The following FOXN3 variants were observed in gnomAD, a reference collection of about 807,000 sequenced individuals.
FOXN3 encodes the protein forkhead box N3, also known as forkhead box protein N3.
FOXN3 carries 7 observed loss-of-function variants against 38.4 expected under a neutral mutation model. That is an observed-to-expected ratio of 0.18 (90% CI 0.10 to 0.34). The LOEUF (loss-of-function observed/expected upper bound fraction) is 0.34, where lower values mean the gene tolerates loss of function less well. Ranked by LOEUF, FOXN3 falls within the 10% of genes least tolerant of loss-of-function variation. The pLI is 1.00. For synonymous variants in FOXN3, 230 were observed against 242.2 expected (o/e 0.95, Z 0.47); for missense variants, 456 against 613.4 (o/e 0.74, Z 2.71).
intron 1 of FOXN3, among the ~76,000 whole-genome samples, chr14:89,475,658 G>GA (rs985726114): frequency 1.8e-4 from 28 of 151,746 alleles, no homozygotes; most frequent in African/African-American, 6.5e-4. Flanking sequence ...CTATCTCAAA[G>GA]AAAAAAAATA....
chr14:89,592,663 G>C (rs768967384), intron 1 of FOXN3, among the ~76,000 whole-genome samples: 10 of 152,192 alleles, frequency 6.6e-5, no homozygotes, highest in South Asian at 2.1e-4. Flanking sequence ...AGAGGGGATA[G>C]ATTAGAGATA....
chr14:89,566,153 A>T (rs1275007804), intron 1 of FOXN3, among the ~76,000 whole-genome samples: 1 of 152,132 alleles, frequency 6.6e-6, no homozygotes, highest in Non-Finnish European at 1.5e-5. Context: ...ACCAACAAGA[A>T]ATTCCTGTAA....
At chr14:89,318,562 G>C (rs138798151) in intron 3 of FOXN3, among the ~76,000 whole-genome samples, 96 of 152,352 alleles carry the variant, frequency 6.3e-4, no homozygotes, top group African/African-American at 2.0e-3. Context: ...AGAATGCCAA[G>C]AAATAATTAT....
chr14:89,283,354 C>A (rs890839829), intron 3 of FOXN3, among the ~76,000 whole-genome samples: 1 of 152,212 alleles, frequency 6.6e-6, no homozygotes, highest in Admixed American at 6.5e-5. Context: ...ATGAGACCAG[C>A]AATGCCTATA....
intron 3 of FOXN3, among the ~76,000 whole-genome samples, chr14:89,308,070 G>A (rs1887429066): frequency 6.6e-6 from 1 of 152,174 alleles, no homozygotes; most frequent in Non-Finnish European, 1.5e-5. Context: ...TTCAAGACCA[G>A]CCTGGGCAAC....
intron 3 of FOXN3, among the ~76,000 whole-genome samples, chr14:89,298,309 A>C (rs981170568): frequency 6.6e-6 from 1 of 152,102 alleles, no homozygotes; most frequent in African/African-American, 2.4e-5. Flanking sequence ...TGGTTGTTTA[A>C]TGAGTACAGG....
intron 1 of FOXN3, among the ~76,000 whole-genome samples, chr14:89,449,363 T>C (rs2139708541): frequency 6.6e-6 from 1 of 152,350 alleles, no homozygotes; most frequent in African/African-American, 2.4e-5. Context: ...CCTCTTCTTA[T>C]ATTTACATAC....
intron 2 of FOXN3, among the ~76,000 whole-genome samples, chr14:89,371,299 G>T (rs937280865): frequency 4.6e-5 from 7 of 152,148 alleles, no homozygotes; most frequent in African/African-American, 1.4e-4. Context: ...CTCTTCCAAT[G>T]ATGGGAAAGT....
intron 3 of FOXN3, among the ~76,000 whole-genome samples, chr14:89,336,613 T>A (rs3783854): frequency 0.19 from 29,005 of 152,162 alleles, 2,967 homozygotes; most frequent in South Asian, 0.3. Context: ...AGGCACGTGA[T>A]AGCCTCTCAC....
intron 1 of FOXN3, among the ~76,000 whole-genome samples, chr14:89,549,273 TA>T (rs11307365): frequency 0.31 from 40,942 of 133,294 alleles, 5,849 homozygotes; most frequent in Admixed American, 0.42. Flanking sequence ...TCCTTATCTG[TA>T]AAAAAAAAAA....
At chr14:89,353,354 A>G (rs894678981) in intron 2 of FOXN3, 3 of 152,330 alleles carry the variant, frequency 2.0e-5, no homozygotes, top group East Asian at 1.9e-4. Context: ...CTGGCTTACA[A>G]TGTCTTTCAT....
chr14:89,358,131 G>A (rs1889310200), intron 2 of FOXN3, among the ~76,000 whole-genome samples: 1 of 152,188 alleles, frequency 6.6e-6, no homozygotes, highest in Admixed American at 6.5e-5. Flanking sequence ...AGGTCACATG[G>A]TCTCTGTTGC....
intron 1 of FOXN3, among the ~76,000 whole-genome samples, chr14:89,614,160 A>G (rs1469767909): frequency 6.6e-6 from 1 of 152,206 alleles, no homozygotes; most frequent in Admixed American, 6.5e-5. Flanking sequence ...TGCCAAGCAG[A>G]TTTATATAGC....
chr14:89,276,873 T>C (rs1886315624), intron 4 of FOXN3, among the ~76,000 whole-genome samples: 1 of 152,130 alleles, frequency 6.6e-6, no homozygotes, highest in South Asian at 2.1e-4. Flanking sequence ...AGAAGTAGGA[T>C]ATAAAATCAG....
At chr14:89,430,738 A>ATT (rs1170417417) in intron 1 of FOXN3, among the ~76,000 whole-genome samples, 1 of 152,220 alleles carries the variant, frequency 6.6e-6, no homozygotes, top group Non-Finnish European at 1.5e-5. Flanking sequence ...AACATTATGT[A>ATT]TTTTTAAACC....
chr14:89,560,828 T>TA (rs1895233897), intron 1 of FOXN3, among the ~76,000 whole-genome samples: 1 of 152,278 alleles, frequency 6.6e-6, no homozygotes, highest in African/African-American at 2.4e-5. Context: ...TACCAGTCAG[T>TA]AAACAAGCTG....
intron 1 of FOXN3, among the ~76,000 whole-genome samples, chr14:89,538,418 A>G (rs1310389571): frequency 6.6e-6 from 1 of 152,216 alleles, no homozygotes; most frequent in Non-Finnish European, 1.5e-5. Flanking sequence ...AGTCCAGGTA[A>G]AGAATAAAAA....
intron 1 of FOXN3, among the ~76,000 whole-genome samples, chr14:89,501,665 G>A (rs1468680256): frequency 6.6e-6 from 1 of 152,124 alleles, no homozygotes; most frequent in African/African-American, 2.4e-5. Context: ...AAAGCTCAGG[G>A]GTTCTACTAT....
chr14:89,325,357 A>G (rs1485306251), intron 3 of FOXN3, among the ~76,000 whole-genome samples: 1 of 116,178 alleles, frequency 8.6e-6, no homozygotes, highest in Admixed American at 8.8e-5. Flanking sequence ...CACCACCACC[A>G]CCACTACCAC....
Sources: allele counts gnomAD v4.1 joint callset (sites outside exome capture counted in the v4.1 genomes callset), GRCh38; gene constraint gnomAD v4.1.1; transcripts MANE v1.5; gene names NCBI Gene and HGNC (gene_info 2026-07-23, HGNC 2026-07-21).